Variants in SHROOM3 observed in about 807,000 individuals in gnomAD.
SHROOM3 encodes the protein shroom family member 3, also known as protein Shroom3.
In SHROOM3, 47 loss-of-function variants were observed where a neutral mutation model predicts 138.6. The observed-to-expected ratio is 0.34, with a 90% CI of 0.27 to 0.43. The LOEUF (loss-of-function observed/expected upper bound fraction) is 0.43. SHROOM3 is among the 20% of genes least tolerant of loss of function. The pLI is 1.00. For missense variants in SHROOM3, 2,491 were observed against 2,596.5 expected, an observed-to-expected ratio of 0.96 and a Z score of 0.88; for synonymous variants, 1,062 against 1,063.3, an observed-to-expected ratio of 1.00 and a Z score of 0.02.
intron 1 of SHROOM3, among the ~76,000 whole-genome samples, chr4:76,460,827 C>CAAAA (rs58793404): frequency 1.3e-5 from 1 of 78,770 alleles, no homozygotes; most frequent in Non-Finnish European, 2.4e-5. Context: ...CCCGTATCTA[C>CAAAA]AAAAAAAAAA....
chr4:76,449,416 G>T (rs569423676), intron 1 of SHROOM3, among the ~76,000 whole-genome samples: 5 of 152,252 alleles, frequency 3.3e-5, no homozygotes, highest in Admixed American at 1.3e-4. Context: ...ACCTAAGCAG[G>T]CAATAGAATA....
intron 9 of SHROOM3, among the ~76,000 whole-genome samples, chr4:76,766,840 G>A (rs13127172): frequency 0.059 from 9,007 of 152,238 alleles, 295 homozygotes; most frequent in Non-Finnish European, 0.071. Context: ...AGTGACTGAC[G>A]TGACCACTCA....
intron 4 of SHROOM3, among the ~76,000 whole-genome samples, chr4:76,736,432 A>G (rs1721074532): frequency 6.6e-6 from 1 of 152,184 alleles, no homozygotes; most frequent in South Asian, 2.1e-4. Flanking sequence ...CTGAAAGTGT[A>G]GTCTCCTTTT....
At chr4:76,681,713 G>A (rs1435309003) in intron 2 of SHROOM3, among the ~76,000 whole-genome samples, 1 of 151,662 alleles carries the variant, frequency 6.6e-6, no homozygotes, top group African/African-American at 2.4e-5. Flanking sequence ...TCTGGTGTCG[G>A]GATGTTGGTA....
At chr4:76,549,430 G>A (rs1733299389) in intron 1 of SHROOM3, among the ~76,000 whole-genome samples, 1 of 151,718 alleles carries the variant, frequency 6.6e-6, no homozygotes, top group African/African-American at 2.4e-5. Context: ...GTGCAGTGGA[G>A]CGATCTTGGC....
intron 1 of SHROOM3, among the ~76,000 whole-genome samples, chr4:76,471,601 A>G (rs1731374901): frequency 6.6e-6 from 1 of 152,226 alleles, no homozygotes; most frequent in African/African-American, 2.4e-5. Context: ...AAAAGCAGGG[A>G]CATTTGGAAT....
chr4:76,571,904 G>A (rs559996101), intron 2 of SHROOM3, among the ~76,000 whole-genome samples: 18 of 152,254 alleles, frequency 1.2e-4, no homozygotes, highest in Middle Eastern at 3.4e-3. Flanking sequence ...TGGGCTGTAC[G>A]TGGGTCAAAT....
intron 10 of SHROOM3, among the ~76,000 whole-genome samples, chr4:76,776,487 C>T (rs1309159117): frequency 6.6e-6 from 1 of 152,004 alleles, no homozygotes; most frequent in Non-Finnish European, 1.5e-5. Context: ...TGTTGCATTC[C>T]CTTTTGGATT....
Position 76,700,488 on chromosome 4 carries a change from G to T in SHROOM3, c.324-9668G>T, listed in dbSNP as rs1458538892. 2.0e-5 allele frequency among the ~76,000 whole-genome samples: 3 copies of T among 152,184 alleles called. No individual in the cohort carries two copies. In the South Asian group the frequency reaches 6.2e-4, roughly 31 times the overall value. ...TGTGTAAAAGTGAATGACAAGGAGA[G>T]GGAGGCATGCTGAGTGTGGGCTGCT... On this transcript the variant is annotated intron_variant, in intron 2 of 10. Transcript: ENST00000296043.
At chr4:76,656,650 A>G (rs1392658698) in intron 2 of SHROOM3, among the ~76,000 whole-genome samples, 1 of 152,206 alleles carries the variant, frequency 6.6e-6, no homozygotes, top group Non-Finnish European at 1.5e-5. Flanking sequence ...AGTATCTCCA[A>G]TAAGGCACAT....
intron 2 of SHROOM3, among the ~76,000 whole-genome samples, chr4:76,665,595 T>C (rs1332529509): frequency 2.0e-5 from 3 of 152,238 alleles, no homozygotes; most frequent in Non-Finnish European, 4.4e-5. Context: ...AATGGTGTTT[T>C]GTGATGTTTG....
chr4:76,779,277 A>G lies in SHROOM3; in HGVS notation c.*100A>G. 2.7e-6 allele frequency: 4 copies of G among 1,465,882 alleles called. No individual in the cohort carries two copies. Among genetic ancestry groups the G allele is most frequent in the Non-Finnish European group, 1.8e-6 (2 of 1,101,140 alleles). The allele number at this position is 1,465,882 out of a possible 1,614,324, so 90.8% of individuals were successfully genotyped here. A position where few individuals can be genotyped will look rare whatever the true frequency, so the allele number is the denominator to read the frequency against. On this transcript the variant is annotated 3_prime_UTR_variant, in exon 11 of 11. Coordinates refer to ENST00000296043, the MANE Select transcript of SHROOM3 (RefSeq NM_020859.4). The stretch of plus-strand genomic sequence containing the variant: ...AACCACTGTTTGAACTATCTGGGTT[A>G]TTGGTGTTTGTTCCTGATGAAAGGA...
At chr4:76,537,644 G>T (rs922713918) in intron 1 of SHROOM3, among the ~76,000 whole-genome samples, 5 of 152,146 alleles carry the variant, frequency 3.3e-5, no homozygotes, top group Admixed American at 6.5e-5. Context: ...AGGCTTTGCT[G>T]ATGGGTTCAA....
At chr4:76,774,709 GTTTTT>G (rs201566335) in intron 10 of SHROOM3, among the ~76,000 whole-genome samples, 6 of 139,096 alleles carry the variant, frequency 4.3e-5, no homozygotes, top group Non-Finnish European at 9.2e-5. Context: ...GTTTTTTGGG[GTTTTT>G]TTTTTGTTTT....
At chr4:76,552,601 A>G (rs1224732784) in intron 1 of SHROOM3, among the ~76,000 whole-genome samples, 1 of 150,044 alleles carries the variant, frequency 6.7e-6, no homozygotes, top group Admixed American at 6.6e-5. Context: ...ATATATCTAT[A>G]TACATATACA....
intron 1 of SHROOM3, among the ~76,000 whole-genome samples, chr4:76,492,025 C>T (rs995166102): frequency 6.6e-6 from 1 of 152,112 alleles, no homozygotes; most frequent in South Asian, 2.1e-4. Context: ...CTGTAAAGGC[C>T]GAACAGCCTG....
At chr4:76,623,693 A>G (rs1462522397) in intron 2 of SHROOM3, among the ~76,000 whole-genome samples, 1 of 152,114 alleles carries the variant, frequency 6.6e-6, no homozygotes, top group African/African-American at 2.4e-5. Flanking sequence ...ATACAGAACT[A>G]TTTTCTTTCA....
chr4:76,487,259 G>A (rs915900495), intron 1 of SHROOM3, among the ~76,000 whole-genome samples: 1 of 152,186 alleles, frequency 6.6e-6, no homozygotes, highest in Non-Finnish European at 1.5e-5. Flanking sequence ...TGTTGAAGTA[G>A]CATATATCAG....
At chr4:76,663,177 T>A (rs959458187) in intron 2 of SHROOM3, among the ~76,000 whole-genome samples, 1 of 152,206 alleles carries the variant, frequency 6.6e-6, no homozygotes, top group East Asian at 1.9e-4. Context: ...TCAAAATTTT[T>A]AAACTGGCTA....
Sources: allele counts gnomAD v4.1 joint callset (sites outside exome capture counted in the v4.1 genomes callset), GRCh38; gene constraint gnomAD v4.1.1; transcripts MANE v1.5; gene names NCBI Gene and HGNC (gene_info 2026-07-23, HGNC 2026-07-21).